RAD51B: variants seen among roughly 807,000 people sequenced by gnomAD.
RAD51B encodes RAD51 paralog B.
Under a neutral mutation model 42.2 loss-of-function variants are expected in RAD51B, and 38 were observed. The ratio of observed to expected loss-of-function variants is 0.90; its 90% CI spans 0.70 to 1.18. The LOEUF is 1.18. Ranked by LOEUF, RAD51B falls within the 50% of genes most tolerant of loss-of-function variation. RAD51B has a pLI of 0.00. For synonymous variants in RAD51B, 154 were observed against 145.2 expected, an observed-to-expected ratio of 1.06 and a Z score of -0.43; for missense variants, 373 against 400.7, an observed-to-expected ratio of 0.93 and a Z score of 0.59.
intron 7 of RAD51B, among the ~76,000 whole-genome samples, chr14:68,144,759 A>G (rs1419929010): frequency 6.6e-6 from 1 of 152,188 alleles, no homozygotes; most frequent in African/African-American, 2.4e-5. Context: ...TCATGTCTGT[A>G]TTTTGTGTTT....
At chr14:68,106,020 AC>A (rs2077372397) in intron 7 of RAD51B, among the ~76,000 whole-genome samples, 1 of 151,994 alleles carries the variant, frequency 6.6e-6, no homozygotes, top group Non-Finnish European at 1.5e-5. Flanking sequence ...AATGTAAAAC[AC>A]TAGCTCCCTC....
At chr14:68,269,754 C>T (rs1957572) in intron 7 of RAD51B, among the ~76,000 whole-genome samples, 138,348 of 152,312 alleles carry the variant, frequency 0.91, 63,418 homozygotes, top group African/African-American at 0.98. Flanking sequence ...TGTTCCCCAG[C>T]GGTTGCTCAG....
chr14:68,247,936 T>G (rs1445233582), intron 7 of RAD51B, among the ~76,000 whole-genome samples: 2 of 152,172 alleles, frequency 1.3e-5, no homozygotes, highest in Admixed American at 6.5e-5. Flanking sequence ...ACAAAATGCC[T>G]TCATGTACAT....
chr14:68,577,829 G>C (rs545105054), intron 10 of RAD51B, among the ~76,000 whole-genome samples: 102 of 152,286 alleles, frequency 6.7e-4, no homozygotes, highest in African/African-American at 2.4e-3. Flanking sequence ...CCTACCTGCC[G>C]TGGTGTACAT....
At chr14:68,010,460 G>T (rs566623876) in intron 7 of RAD51B, among the ~76,000 whole-genome samples, 2 of 151,628 alleles carry the variant, frequency 1.3e-5, no homozygotes, top group Admixed American at 6.6e-5. Flanking sequence ...AGTTGTTTGG[G>T]GTCCTGTATC....
At chr14:68,091,043 A>G (rs961094512) in intron 7 of RAD51B, among the ~76,000 whole-genome samples, 1 of 151,806 alleles carries the variant, frequency 6.6e-6, no homozygotes, top group Non-Finnish European at 1.5e-5. Flanking sequence ...ATCATTTTTT[A>G]TGGCTGCATA....
intron 9 of RAD51B, among the ~76,000 whole-genome samples, chr14:68,416,847 G>A (rs1005381371): frequency 6.6e-6 from 1 of 152,146 alleles, no homozygotes. Flanking sequence ...GGGAGAGAAG[G>A]GTTCTGCAGC....
chr14:68,402,885 T>C (rs1222719279), intron 8 of RAD51B, among the ~76,000 whole-genome samples: 2 of 152,240 alleles, frequency 1.3e-5, no homozygotes, highest in African/African-American at 4.8e-5. Flanking sequence ...GTTAGGTAAC[T>C]GCTCATTACC....
intron 7 of RAD51B, among the ~76,000 whole-genome samples, chr14:68,242,736 C>G (rs1197351509): frequency 2.0e-5 from 3 of 152,194 alleles, no homozygotes; most frequent in Non-Finnish European, 4.4e-5. Flanking sequence ...CACATTATCT[C>G]TTTTAATATT....
chr14:68,357,923 TC>T (rs2082942031), intron 8 of RAD51B, among the ~76,000 whole-genome samples: 1 of 152,342 alleles, frequency 6.6e-6, no homozygotes, highest in South Asian at 2.1e-4. Context: ...ATGTGACTCT[TC>T]CTTTCACTTG....
rs551383688 is a variant in RAD51B at position 67,865,232 on chromosome 14, C to T, written c.452+93C>T. The stretch of plus-strand genomic sequence containing the variant: ...ACATAGGTTAACATTTACCACCCCT[C>T]CCCCTTGCCTTTTTTTTTTTTTTGA... On this transcript the variant is annotated intron_variant, in intron 5 of 10. Transcript: ENST00000471583. 7.9e-5 allele frequency: 95 copies of T among 1,195,910 alleles called. No homozygotes were observed. In the African/African-American group the frequency reaches 1.1e-3, roughly 14 times the overall value. 74.1% of individuals were successfully genotyped at this position (1,195,910 alleles called of 1,614,324 possible).
chr14:68,383,145 A>G (rs563441991), intron 8 of RAD51B, among the ~76,000 whole-genome samples: 121 of 152,352 alleles, frequency 7.9e-4, no homozygotes, highest in Non-Finnish European at 1.5e-3. Context: ...CTCTTTGGAT[A>G]TGTGTGAGTT....
intron 11 of RAD51B, among the ~76,000 whole-genome samples, chr14:68,669,627 T>TAC (rs34821600): frequency 0.055 from 8,127 of 147,954 alleles, 267 homozygotes; most frequent in African/African-American, 0.093. Context: ...ACCCGCCACT[T>TAC]ACACACACAC....
In RAD51B at chr14:68,304,314, T is replaced by C. The variant is rs529030268; in HGVS notation, c.853+12334T>C. Among the ~76,000 whole-genome samples the C allele has an allele frequency of 3.9e-5, 6 of 152,356 alleles. No individual in the cohort carries two copies. The South Asian group carries it at 1.2e-3, about 32-fold the overall frequency. On this transcript the variant is annotated intron_variant, in intron 8 of 10. Coordinates refer to ENST00000471583, the MANE Select transcript of RAD51B (RefSeq NM_133510.4). ...GCAACAACTTAGTGGGGTTCAATTA[T>C]CACCCTCAATTTAGAAACAAAGAAA...
At chr14:68,353,339 G>T (rs2082829110) in intron 8 of RAD51B, among the ~76,000 whole-genome samples, 1 of 152,296 alleles carries the variant, frequency 6.6e-6, no homozygotes, top group Middle Eastern at 3.4e-3. Flanking sequence ...CAATAATCTC[G>T]ATCTGCATTT....
At chr14:68,328,639 T>TC (rs2082290353) in intron 8 of RAD51B, among the ~76,000 whole-genome samples, 1 of 152,010 alleles carries the variant, frequency 6.6e-6, no homozygotes, top group African/African-American at 2.4e-5. Flanking sequence ...GACCCCATCC[T>TC]CCAACTCTAG....
At chr14:68,555,980 G>A (rs561666365) in intron 10 of RAD51B, among the ~76,000 whole-genome samples, 1 of 152,334 alleles carries the variant, frequency 6.6e-6, no homozygotes, top group South Asian at 2.1e-4. Context: ...GAATTCTAAA[G>A]GTGGATGTGC....
intron 8 of RAD51B, among the ~76,000 whole-genome samples, chr14:68,406,336 A>G (rs2084273944): frequency 6.6e-6 from 1 of 152,246 alleles, no homozygotes; most frequent in African/African-American, 2.4e-5. Context: ...CAGGCTGTAT[A>G]GTATAGCCCA....
chr14:68,637,512 G>T (rs1004237817), intron 10 of RAD51B, among the ~76,000 whole-genome samples: 3 of 152,214 alleles, frequency 2.0e-5, no homozygotes, highest in Non-Finnish European at 2.9e-5. Flanking sequence ...AGAGCGAGAT[G>T]GTGGTCTTTG....
Sources: gnomAD v4.1 joint callset for allele counts (sites outside exome capture counted in the v4.1 genomes callset) on GRCh38, gnomAD v4.1.1 for gene constraint, MANE v1.5 for transcripts, NCBI Gene and HGNC (gene_info 2026-07-23, HGNC 2026-07-21) for gene names.